The following NPAS2 variants were observed in gnomAD, a reference collection of about 807,000 sequenced individuals.
NPAS2 encodes neuronal PAS domain-containing protein 2.
In NPAS2, 23 loss-of-function variants were observed where a neutral mutation model predicts 107.5. The ratio of observed to expected loss-of-function variants is 0.21; its 90% CI spans 0.15 to 0.30. The LOEUF (loss-of-function observed/expected upper bound fraction) is 0.30. Among genes scored for constraint, NPAS2 ranks in the 10% least tolerant of loss-of-function variants. NPAS2 has a pLI of 1.00. For missense variants in NPAS2, 756 were observed against 1,043.3 expected, an observed-to-expected ratio of 0.72 and a Z score of 3.79; for synonymous variants, 403 against 417.5, an observed-to-expected ratio of 0.97 and a Z score of 0.42.
intron 1 of NPAS2, among the ~76,000 whole-genome samples, chr2:100,899,564 T>C (rs1043430220): frequency 6.6e-5 from 10 of 152,166 alleles, no homozygotes; most frequent in African/African-American, 2.2e-4. Context: ...TTGCGACAAA[T>C]GCACCATACT....
chr2:100,993,811 ATCTTGATATGT>A, intron 20 of NPAS2: 1 of 354,356 alleles, frequency 2.8e-6, no homozygotes, highest in Non-Finnish European at 5.0e-6. Flanking sequence ...AAGGATTTGC[ATCTTGATATGT>A]TCACAGTTTT....
intron 7 of NPAS2, among the ~76,000 whole-genome samples, chr2:100,956,295 G>A (rs1430399424): frequency 1.3e-5 from 2 of 152,080 alleles, no homozygotes; most frequent in Non-Finnish European, 2.9e-5. Context: ...CAATAATCCT[G>A]TCACCCAAGC....
chr2:100,923,678 T>C (rs1405716108), intron 2 of NPAS2, among the ~76,000 whole-genome samples: 1 of 152,172 alleles, frequency 6.6e-6, no homozygotes, highest in Non-Finnish European at 1.5e-5. Context: ...CAATGTTTTA[T>C]GGGCCTGGCC....
At chr2:100,984,635 T>TC (rs1315655135) in intron 16 of NPAS2, 1 of 152,192 alleles carries the variant, frequency 6.6e-6, no homozygotes. Flanking sequence ...AACTTTTTTT[T>TC]TTTTTTATGT....
At chr2:100,975,710 G>C in intron 14 of NPAS2, 143 bp downstream of exon 14, 1 of 547,700 alleles carries the variant, frequency 1.8e-6, no homozygotes, top group African/African-American at 2.0e-5. Flanking sequence ...GGGGTGGGAA[G>C]TTAAGTAATT....
chr2:100,965,542 C>T lies in NPAS2; in HGVS notation c.801-118C>T, dbSNP rs1382546130. On this transcript the variant is annotated intron_variant, in intron 9 of 20. Transcript: ENST00000335681. This position sits in a 1 kb window ranked among gnomAD's most constrained non-coding sequence, Gnocchi z 4.3. ...TTGACCATTACAAAGTTATTTTTCT[C>T]CCCTTGTTCTTGAGAAATGAGGCCT... 3.1e-6 allele frequency: 2 copies of T among 639,926 alleles called. No individual in the cohort carries two copies. The highest frequency in any genetic ancestry group is 3.1e-4 in the Middle Eastern group (1 of 3,222). The allele number at this position is 639,926 out of a possible 1,614,324, so 39.6% of individuals were successfully genotyped here.
intron 5 of NPAS2, among the ~76,000 whole-genome samples, chr2:100,940,666 C>G (rs147987077): frequency 1.7e-3 from 257 of 152,290 alleles, no homozygotes; most frequent in African/African-American, 6.0e-3. Context: ...TTACCCAGTT[C>G]ACAGATGATG....
rs768121019 is a variant in NPAS2, at chr2:100,948,237, G to A, written c.366G>A (p.Ser122=). ...TTGTCCTTTATTTTCTTTTTCAGTC[G>A]GATGTCATGGATCAGAATTTGTTAA... The part of the protein sequence containing the change: ...SITPLLGHLP[S]DVMDQNLLNF... The change falls in exon 6 of 21, where the codon TCG becomes TCA. Residue 122 remains serine, a splice_region_variant and synonymous_variant. Coordinates refer to ENST00000335681, the MANE Select transcript of NPAS2 (RefSeq NM_002518.4). 25 of 1,610,396 alleles carry A rather than the reference G, an allele frequency of 1.6e-5. No homozygotes were observed. Among genetic ancestry groups the A allele is most frequent in the Non-Finnish European group, 2.0e-5 (24 of 1,179,170 alleles).
chr2:100,980,965 C>T (rs1003232113), intron 15 of NPAS2, among the ~76,000 whole-genome samples: 3 of 132,830 alleles, frequency 2.3e-5, no homozygotes, highest in African/African-American at 9.2e-5. Context: ...AGGGTGCAGC[C>T]TCTTGGGGTG....
chr2:100,979,511 T>G (rs1325384074), intron 15 of NPAS2, among the ~76,000 whole-genome samples: 1 of 130,490 alleles, frequency 7.7e-6, no homozygotes, highest in Admixed American at 7.7e-5. Flanking sequence ...TATTTTTTTT[T>G]TTTTTTTTTT....
chr2:100,830,405 G>A (rs1303160938), intron 1 of NPAS2, among the ~76,000 whole-genome samples: 3 of 152,078 alleles, frequency 2.0e-5, no homozygotes, highest in African/African-American at 7.2e-5. Flanking sequence ...CATGTGCCAT[G>A]TTGGTGTGCT....
chr2:100,961,358 TAGTTTTCCCCAA>T (rs1675904085), intron 7 of NPAS2, among the ~76,000 whole-genome samples: 1 of 152,220 alleles, frequency 6.6e-6, no homozygotes, highest in South Asian at 2.1e-4. Flanking sequence ...TTCTTTGCCT[TAGTTTTCCCCAA>T]GGTTTTCTCC....
intron 7 of NPAS2, among the ~76,000 whole-genome samples, chr2:100,959,493 G>A (rs1675799687): frequency 6.6e-6 from 1 of 152,096 alleles, no homozygotes; most frequent in Non-Finnish European, 1.5e-5. Flanking sequence ...GAACACATTG[G>A]GTCAAGCACA....
chr2:100,875,461 TACACACACAC>T (rs56331462), intron 1 of NPAS2, among the ~76,000 whole-genome samples: 1,966 of 143,622 alleles, frequency 0.014, 17 homozygotes, highest in African/African-American at 0.026. Context: ...ATTAAAAGCT[TACACACACAC>T]ACACACACAC....
intron 1 of NPAS2, among the ~76,000 whole-genome samples, chr2:100,873,270 AAATACATATATATAT>A (rs1468321959): frequency 6.0e-4 from 37 of 61,972 alleles, no homozygotes; most frequent in African/African-American, 3.0e-3. Flanking sequence ...AAAAAAAAAA[AAATACATATATATAT>A]ATATATATAT....
At chr2:100,900,373 A>G (rs1236974068) in intron 1 of NPAS2, among the ~76,000 whole-genome samples, 3 of 152,236 alleles carry the variant, frequency 2.0e-5, no homozygotes, top group Admixed American at 1.3e-4. Flanking sequence ...GCAAATCCCA[A>G]TGAGATATCA....
intron 2 of NPAS2, among the ~76,000 whole-genome samples, chr2:100,920,525 C>G (rs1683152250): frequency 2.0e-5 from 3 of 152,128 alleles, no homozygotes; most frequent in Admixed American, 2.0e-4. Context: ...TGCCTTTCTG[C>G]TCAATCCCCT....
intron 1 of NPAS2, among the ~76,000 whole-genome samples, chr2:100,882,048 C>T (rs1241996147): frequency 6.6e-6 from 1 of 152,262 alleles, no homozygotes. Flanking sequence ...TGGGAATCCT[C>T]AATGCATGGC....
chr2:100,961,589 A>G (rs926830212), intron 7 of NPAS2, among the ~76,000 whole-genome samples: 1 of 152,162 alleles, frequency 6.6e-6, no homozygotes, highest in African/African-American at 2.4e-5. Context: ...AAAGACTTAG[A>G]TGCTATAAAA....
Sources: allele counts gnomAD v4.1 joint callset (sites outside exome capture counted in the v4.1 genomes callset), GRCh38; gene constraint gnomAD v4.1.1; non-coding constraint Gnocchi (gnomAD v3.1); transcripts MANE v1.5; gene names NCBI Gene and HGNC (gene_info 2026-07-23, HGNC 2026-07-21).